The following PCDH19 variants were observed in gnomAD, a reference collection of about 807,000 sequenced individuals.
The protein encoded by PCDH19 is protocadherin-19.
Under a neutral mutation model 46.2 loss-of-function variants are expected in PCDH19, and 6 were observed. That is an observed-to-expected ratio of 0.13 (90% CI 0.07 to 0.26). The LOEUF is 0.26. Among genes scored for constraint, PCDH19 ranks in the 10% least tolerant of loss-of-function variants. The pLI is 1.00. For missense variants in PCDH19, 740 were observed against 972.3 expected (o/e 0.76, Z 3.18); for synonymous variants, 481 against 415.7 (o/e 1.16, Z -1.91).
At chrX:100,362,106 A>G (rs1010284217) in intron 3 of PCDH19, among the ~76,000 whole-genome samples, 1 of 111,488 alleles carries the variant, frequency 9.0e-6, no homozygotes, top group African/African-American at 3.3e-5. Flanking sequence ...CAGACAGCAT[A>G]CTCCTCAACC....
chrX:100,408,777 C>T lies in PCDH19; in HGVS notation c.-180G>A, dbSNP rs951774741. On this transcript the variant is annotated 5_prime_UTR_variant, in exon 1 of 6. Coordinates refer to ENST00000373034, the MANE Select transcript of PCDH19 (RefSeq NM_001184880.2). Reference sequence around the variant, plus strand: ...CGCGCGGGGGACACCCGCGGCGGCTCCAATGCTGAGGTTGCGGCGGACGCG... The same window carrying T: ...CGCGCGGGGGACACCCGCGGCGGCTTCAATGCTGAGGTTGCGGCGGACGCG... The T allele has an allele frequency of 4.9e-6, 1 of 203,760 alleles. No homozygotes were observed. Among genetic ancestry groups the T allele is most frequent in the African/African-American group, 3.0e-5 (1 of 32,881 alleles). 16.8% of individuals were successfully genotyped at this position (203,760 alleles called of 1,213,427 possible).
intron 3 of PCDH19, among the ~76,000 whole-genome samples, chrX:100,352,734 C>T (rs6620871): frequency 0.3 from 32,890 of 110,850 alleles, 4,400 homozygotes; most frequent in East Asian, 0.65. Flanking sequence ...GCCTACTCCC[C>T]CTTAACCTTC....
At position 100,403,582 on chromosome X, in the gene PCDH19, G is replaced by C; in HGVS notation, c.2230C>G (p.Pro744Ala). The change falls in exon 2 of 6, where the codon CCC becomes GCC. Residue 744 changes from proline to alanine, a missense_variant. Transcript: ENST00000373034. Reference sequence around the variant, plus strand: ...TTTTTGTCTTGCTCCTCGCTAATGGGAGAAACCGAGATGCAATGCAGACAC... The same window carrying C: ...TTTTTGTCTTGCTCCTCGCTAATGGCAGAAACCGAGATGCAATGCAGACAC... ...SKCLHCISVSPISEEQDKKTE... is the reference protein window; with the variant it reads ...SKCLHCISVSAISEEQDKKTE... 5.0e-6 allele frequency: 6 copies of C among 1,207,789 alleles called. No homozygotes were observed. Among genetic ancestry groups the C allele is most frequent in the Non-Finnish European group, 6.7e-6 (6 of 892,887 alleles).
intron 3 of PCDH19, among the ~76,000 whole-genome samples, chrX:100,401,063 T>C (rs998734638): frequency 1.8e-5 from 2 of 111,429 alleles, no homozygotes; most frequent in Admixed American, 9.6e-5. Flanking sequence ...AGATACCTGA[T>C]TGTGAGGATC....
At chrX:100,333,108 GGGAGGGAA>G (rs1925930113) in intron 5 of PCDH19, among the ~76,000 whole-genome samples, 1 of 64,959 alleles carries the variant, frequency 1.5e-5, no homozygotes, top group Non-Finnish European at 2.9e-5. Flanking sequence ...GAAGGAAGGA[GGGAGGGAA>G]GGAAGGAAGG....
intron 5 of PCDH19, among the ~76,000 whole-genome samples, chrX:100,338,522 A>C (rs1926165529): frequency 4.7e-5 from 1 of 21,099 alleles, no homozygotes; most frequent in Admixed American, 6.4e-4. Context: ...ACTCTGTCTC[A>C]AAAAAAAAAA....
intron 3 of PCDH19, among the ~76,000 whole-genome samples, chrX:100,356,688 G>A (rs1926725059): frequency 1.8e-5 from 2 of 110,706 alleles, no homozygotes; most frequent in Non-Finnish European, 1.9e-5. Flanking sequence ...ACTAGAAAAC[G>A]TGCTAGGTAA....
At chrX:100,350,438 A>C (rs1002879924) in intron 4 of PCDH19, among the ~76,000 whole-genome samples, 1 of 112,056 alleles carries the variant, frequency 8.9e-6, no homozygotes, top group African/African-American at 3.2e-5. Flanking sequence ...TAAAATGTCA[A>C]CAGTGATTAC....
chrX:100,380,830 G>A (rs777263518), intron 3 of PCDH19, among the ~76,000 whole-genome samples: 7 of 112,180 alleles, frequency 6.2e-5, no homozygotes, highest in East Asian at 2.8e-4. Context: ...AAGTGCTTAC[G>A]CTATGTTTAT....
intron 5 of PCDH19, among the ~76,000 whole-genome samples, chrX:100,338,919 A>G (rs953423864): frequency 5.3e-5 from 6 of 112,370 alleles, no homozygotes; most frequent in Non-Finnish European, 1.1e-4. Context: ...AATTATCTTT[A>G]TTTTGAAATT....
At chrX:100,362,141 T>C (rs1046227362) in intron 3 of PCDH19, among the ~76,000 whole-genome samples, 2 of 111,707 alleles carry the variant, frequency 1.8e-5, no homozygotes, top group African/African-American at 6.5e-5. Flanking sequence ...GTCCTTTCCT[T>C]TCCCCACATT....
At chrX:100,403,068 C>A (rs995646687) in intron 2 of PCDH19, among the ~76,000 whole-genome samples, 1 of 110,994 alleles carries the variant, frequency 9.0e-6, no homozygotes, top group African/African-American at 3.3e-5. Context: ...TCCCACCAAC[C>A]CCCCCTAAAA....
chrX:100,401,731 AATTCTT>A (rs55876844), intron 3 of PCDH19, among the ~76,000 whole-genome samples: 35,481 of 107,639 alleles, frequency 0.33, 5,574 homozygotes, highest in East Asian at 0.9. Flanking sequence ...ATGCATAGAT[AATTCTT>A]ATTCTTATTC....
In PCDH19 at chrX:100,292,983, C is replaced by T. The variant is rs1322291900; in HGVS notation, c.*3294G>A. On this transcript the variant is annotated 3_prime_UTR_variant, in exon 6 of 6. Transcript: ENST00000373034. ...CACTCTGGATGCCCAATCGAGCTAT[C>T]CCCTTCACCCTGCCTCTCCCTAAAC... The T allele has an allele frequency of 1.8e-5, 2 of 111,322 alleles. No individual in the cohort carries two copies. The highest frequency in any genetic ancestry group is 3.8e-5 in the Non-Finnish European group (2 of 53,076). 9.2% of individuals were successfully genotyped at this position (111,322 alleles called of 1,213,427 possible).
At chrX:100,390,222 T>C (rs942149646) in intron 3 of PCDH19, among the ~76,000 whole-genome samples, 48 of 111,369 alleles carry the variant, frequency 4.3e-4, no homozygotes, top group African/African-American at 1.5e-3. Flanking sequence ...AAATATTTGG[T>C]GGATGGATGA....
rs1452239396 is a variant in PCDH19 at position 100,295,648 on chromosome X, C to T, written c.*629G>A. ...AAAGAAAACACCAACTTTTAAAAGC[C>T]TTTTGCCATCACCACACACATAGCA... is the stretch of plus-strand genomic sequence containing the variant. On this transcript the variant is annotated 3_prime_UTR_variant, in exon 6 of 6. Transcript: ENST00000373034. 1 of 111,976 alleles carries T rather than the reference C, an allele frequency of 8.9e-6. No individual in the cohort carries two copies. The highest frequency in any genetic ancestry group is 1.9e-5 in the Non-Finnish European group (1 of 53,237). The allele number at this position is 111,976 out of a possible 1,213,427, so 9.2% of individuals were successfully genotyped here. A position where few individuals can be genotyped will look rare whatever the true frequency, so the allele number is the denominator to read the frequency against.
At chrX:100,308,203 A>G in intron 5 of PCDH19, among the ~76,000 whole-genome samples, 2 of 111,727 alleles carry the variant, frequency 1.8e-5, no homozygotes. Context: ...TACGTAGGCC[A>G]ATGGAACAGA....
At chrX:100,339,296 T>A (rs1270998592) in intron 5 of PCDH19, among the ~76,000 whole-genome samples, 2 of 112,044 alleles carry the variant, frequency 1.8e-5, no homozygotes, top group African/African-American at 6.5e-5. Flanking sequence ...TGGGGACTAG[T>A]TTTTTTCTCC....
chrX:100,374,796 G>A (rs756463757), intron 3 of PCDH19, among the ~76,000 whole-genome samples: 50 of 110,950 alleles, frequency 4.5e-4, no homozygotes, highest in African/African-American at 1.6e-3. Flanking sequence ...AAAAATAGCC[G>A]GGCATGGTGG....
Sources: allele counts gnomAD v4.1 joint callset (sites outside exome capture counted in the v4.1 genomes callset), GRCh38; gene constraint gnomAD v4.1.1; transcripts MANE v1.5; gene names NCBI Gene and HGNC (gene_info 2026-07-23, HGNC 2026-07-21).